Variants in SMAD2 observed in about 807,000 individuals in gnomAD.
SMAD2 encodes MAD homolog 2.
In SMAD2, 8 loss-of-function variants were observed where a neutral mutation model predicts 64.4. That is an observed-to-expected ratio of 0.12 (90% CI 0.07 to 0.22). The LOEUF (loss-of-function observed/expected upper bound fraction) is 0.22, where lower values mean the gene tolerates loss of function less well. SMAD2 is among the 10% of genes least tolerant of loss of function. SMAD2 has a pLI of 1.00. For synonymous variants in SMAD2, 203 were observed against 195.8 expected (o/e 1.04, Z -0.31); for missense variants, 289 against 561.2 (o/e 0.51, Z 4.90).
chr18:47,919,082 C>T (rs2034450826), intron 1 of SMAD2, among the ~76,000 whole-genome samples: 1 of 151,514 alleles, frequency 6.6e-6, no homozygotes, highest in Admixed American at 6.6e-5. Context: ...TTAAAGTTTC[C>T]AAGGAGGAAA....
chr18:47,914,833 G>A lies in SMAD2; in HGVS notation c.-54+15528C>T, dbSNP rs2144524528. 2.0e-5 allele frequency among the ~76,000 whole-genome samples: 3 copies of A among 152,172 alleles called. No individual in the cohort carries two copies. The Middle Eastern group carries it at 0.01, about 521-fold the overall frequency. On this transcript the variant is annotated intron_variant, in intron 1 of 10. Transcript: ENST00000262160. ...AGTATTGCTGGTTACTTTAAGTTTA[G>A]CATGTTCTACAAAAATCCTATAGGA... is the stretch of plus-strand genomic sequence containing the variant.
At position 47,887,684 on chromosome 18, in the gene SMAD2, C is replaced by G. The variant is rs190697609; in HGVS notation, c.236+8837G>C. ...CTCTGACAAAGTGCTGGCCCACTCC[C>G]ATTGTGCCCTTTCTTCATTCTACCG... On this transcript the variant is annotated intron_variant, in intron 2 of 10. Transcript: ENST00000262160. Among the ~76,000 whole-genome samples, 722 of 152,318 alleles carry G rather than the reference C, an allele frequency of 4.7e-3. 2 individuals are homozygous for G. Among genetic ancestry groups the G allele is most frequent in the Non-Finnish European group, 8.0e-3 (541 of 68,028 alleles).
At position 47,832,757 on chromosome 18, in the gene SMAD2, C is replaced by T. The variant is rs578062067; in HGVS notation, c.*9070G>A. On this transcript the variant is annotated 3_prime_UTR_variant, in exon 11 of 11. Coordinates refer to ENST00000262160, the MANE Select transcript of SMAD2 (RefSeq NM_005901.6). ...TCAACTTTGAAGATGTTTTTGTTTA[C>T]AGCATAGATCTTATGTATTAGAGCG... The T allele has an allele frequency of 1.3e-5, 2 of 152,056 alleles. No individual in the cohort carries two copies. The highest frequency in any genetic ancestry group is 3.9e-4 in the East Asian group (2 of 5,178). 9.4% of individuals were successfully genotyped at this position (152,056 alleles called of 1,614,324 possible).
At position 47,845,364 on chromosome 18, in the gene SMAD2, A is replaced by G; in HGVS notation, c.1256T>C (p.Val419Ala). 1 of 1,613,904 alleles carries G rather than the reference A, an allele frequency of 6.2e-7. No individual in the cohort carries two copies. Among genetic ancestry groups the G allele is most frequent in the Non-Finnish European group, 8.5e-7 (1 of 1,179,868 alleles). Residue 419 changes from valine to alanine, a missense_variant, in exon 10 of 11, where the codon GTG becomes GCG. Coordinates refer to ENST00000262160, the MANE Select transcript of SMAD2 (RefSeq NM_005901.6). ...CCGGTATTCTGCTCCCCACCCTTTC[A>G]CAAAACTCATTCTTATGGTGCACAT... is the stretch of plus-strand genomic sequence containing the variant. ...TRMCTIRMSF[V>A]KGWGAEYRRQ...
intron 2 of SMAD2, among the ~76,000 whole-genome samples, chr18:47,893,839 C>T (rs1017158428): frequency 1.7e-4 from 26 of 152,122 alleles, no homozygotes; most frequent in African/African-American, 5.6e-4. Context: ...AACAAATCTC[C>T]ATTTTTGCAA....
chr18:47,889,666 G>T (rs1197788419), intron 2 of SMAD2, among the ~76,000 whole-genome samples: 1 of 151,926 alleles, frequency 6.6e-6, no homozygotes, highest in Admixed American at 6.5e-5. Flanking sequence ...AGCTACTCAG[G>T]AGGCTGAGGC....
rs181478531 is a variant in SMAD2 at position 47,842,077 on chromosome 18, C to T, written c.1281-127G>A. 449 of 977,588 alleles carry T rather than the reference C, an allele frequency of 4.6e-4. 2 individuals carry two copies. The highest frequency in any genetic ancestry group is 4.0e-3 in the Middle Eastern group (13 of 3,264). 60.6% of individuals were successfully genotyped at this position (977,588 alleles called of 1,614,324 possible). On this transcript the variant is annotated intron_variant, in intron 10 of 10. Transcript: ENST00000262160. ...AAGGTTGTGTATATAATTTTGGACA[C>T]GATTATTCCGCAAAATGGTTGATCC...
chr18:47,905,412 T>A (rs1337158918), intron 1 of SMAD2, among the ~76,000 whole-genome samples: 1 of 151,844 alleles, frequency 6.6e-6, no homozygotes. Flanking sequence ...CTACCAAACT[T>A]CCAGCAGAGT....
chr18:47,869,319 G>T lies in SMAD2; in HGVS notation c.444C>A (p.Asn148Lys). The T allele has an allele frequency of 6.2e-7, 1 of 1,613,684 alleles. No homozygotes were observed. Among genetic ancestry groups the T allele is most frequent in the Non-Finnish European group, 8.5e-7 (1 of 1,179,734 alleles). ...TTTTAAGATTAAAAGCATATTCGCA[G>T]TTTTCAATTGCCTTGAGTTCATGAT... ...HSHHELKAIENCEYAFNLKKD... is the reference protein window; with the variant it reads ...HSHHELKAIEKCEYAFNLKKD... Residue 148 changes from asparagine (N) to lysine (K), a missense_variant, in exon 4 of 11, where the codon AAC becomes AAA. Asn to Lys is a moderately conservative substitution (Grantham distance 94). Coordinates refer to ENST00000262160, the MANE Select transcript of SMAD2 (RefSeq NM_005901.6).
intron 2 of SMAD2, chr18:47,895,189 C>A (rs573316023): frequency 6.6e-6 from 1 of 152,172 alleles, no homozygotes; most frequent in Non-Finnish European, 1.5e-5. Flanking sequence ...CTCTAGGATG[C>A]CCTGTATAAG....
chr18:47,846,992 CACTA>C (rs1222457674), intron 8 of SMAD2, among the ~76,000 whole-genome samples: 2 of 151,992 alleles, frequency 1.3e-5, no homozygotes, highest in Non-Finnish European at 2.9e-5. Context: ...ATTGGGAAAA[CACTA>C]AGTCCAAAAA....
At chr18:47,929,373 T>A (rs1040887184) in intron 1 of SMAD2, among the ~76,000 whole-genome samples, 3 of 152,238 alleles carry the variant, frequency 2.0e-5, no homozygotes, top group African/African-American at 7.2e-5. Context: ...TCATATGAAG[T>A]CAGAAGAGAG....
intron 1 of SMAD2, among the ~76,000 whole-genome samples, chr18:47,909,121 A>T (rs2034021539): frequency 6.6e-6 from 1 of 152,126 alleles, no homozygotes; most frequent in Non-Finnish European, 1.5e-5. Context: ...CTAGGCCAAC[A>T]GGTGTGAAGA....
Position 47,877,342 on chromosome 18 carries a change from G to T in SMAD2, c.237-6778C>A, listed in dbSNP as rs116722786. Among the ~76,000 whole-genome samples the T allele has an allele frequency of 9.5e-3, 1,443 of 151,822 alleles. 24 individuals are homozygous for T. The highest frequency in any genetic ancestry group is 0.033 in the African/African-American group (1,356 of 41,460). On this transcript the variant is annotated intron_variant, in intron 2 of 10. Transcript: ENST00000262160. ...CTACTCATTTAATACAGACTTCTAG[G>T]GGAGTAATCTGTAACTATGCATCCA...
At chr18:47,887,565 T>C (rs1203299149) in intron 2 of SMAD2, among the ~76,000 whole-genome samples, 5 of 152,190 alleles carry the variant, frequency 3.3e-5, no homozygotes, top group Admixed American at 3.3e-4. Context: ...GTATGGCCTC[T>C]TGATCCTTTC....
intron 6 of SMAD2, among the ~76,000 whole-genome samples, chr18:47,863,040 T>G (rs1347820986): frequency 6.6e-6 from 1 of 152,142 alleles, no homozygotes; most frequent in Non-Finnish European, 1.5e-5. Context: ...TTACTTATTA[T>G]GCCTAATTTA....
intron 2 of SMAD2, among the ~76,000 whole-genome samples, chr18:47,882,037 T>C (rs1265695708): frequency 1.3e-4 from 18 of 137,976 alleles, no homozygotes; most frequent in Non-Finnish European, 2.8e-4. Flanking sequence ...ACTACCACGC[T>C]TGGCTTTTTT....
At chr18:47,852,350 C>T (rs1314732133) in intron 6 of SMAD2, among the ~76,000 whole-genome samples, 1 of 152,110 alleles carries the variant, frequency 6.6e-6, no homozygotes, top group Non-Finnish European at 1.5e-5. Context: ...ACAGTGATGA[C>T]GGTGGATATC....
intron 2 of SMAD2, among the ~76,000 whole-genome samples, chr18:47,890,663 T>G (rs1460868824): frequency 2.0e-5 from 3 of 152,202 alleles, no homozygotes; most frequent in Non-Finnish European, 4.4e-5. Flanking sequence ...GGATCTACAT[T>G]CATCAATACT....
Sources: allele counts gnomAD v4.1 joint callset (sites outside exome capture counted in the v4.1 genomes callset), GRCh38; gene constraint gnomAD v4.1.1; transcripts MANE v1.5; gene names NCBI Gene and HGNC (gene_info 2026-07-23, HGNC 2026-07-21).